The following TTC29 variants were observed in gnomAD, a reference collection of about 807,000 sequenced individuals.
The protein encoded by TTC29 is tetratricopeptide repeat protein 29.
TTC29 carries 49 observed loss-of-function variants against 58.1 expected under a neutral mutation model. The observed-to-expected ratio is 0.84, with a 90% confidence interval of 0.67 to 1.07. The LOEUF is 1.07. Ranked by LOEUF, TTC29 falls within the 50% of genes least tolerant of loss-of-function variation. TTC29 has a pLI of 0.00. For synonymous variants in TTC29, 209 were observed against 196.8 expected, an observed-to-expected ratio of 1.06 and a Z score of -0.52; for missense variants, 582 against 555.6, an observed-to-expected ratio of 1.05 and a Z score of -0.48.
At chr4:146,777,226 G>T (rs1462643714) in intron 11 of TTC29, among the ~76,000 whole-genome samples, 2 of 152,140 alleles carry the variant, frequency 1.3e-5, no homozygotes, top group Non-Finnish European at 2.9e-5. Flanking sequence ...AACCGCAATT[G>T]CTTTTGCACC....
At chr4:146,825,263 A>C (rs1218409346) in intron 9 of TTC29, among the ~76,000 whole-genome samples, 1 of 152,178 alleles carries the variant, frequency 6.6e-6, no homozygotes, top group East Asian at 1.9e-4. Context: ...CCCTTTTAAC[A>C]CTGCTTTAGC....
At chr4:146,728,860 C>CATATATATGTGTATATATACAT (rs1744103246) in intron 11 of TTC29, among the ~76,000 whole-genome samples, 4 of 62,052 alleles carry the variant, frequency 6.4e-5, no homozygotes, top group African/African-American at 1.3e-4. Context: ...TATATATACA[C>CATATATATGTGTATATATACAT]ATATATATGT....
At chr4:146,843,586 G>A (rs1302642329) in intron 8 of TTC29, among the ~76,000 whole-genome samples, 1 of 152,074 alleles carries the variant, frequency 6.6e-6, no homozygotes, top group African/African-American at 2.4e-5. Flanking sequence ...AGCTCATTGT[G>A]TGACTATGGG....
intron 11 of TTC29, among the ~76,000 whole-genome samples, chr4:146,780,932 A>C (rs1249527781): frequency 6.6e-6 from 1 of 152,062 alleles, no homozygotes; most frequent in East Asian, 1.9e-4. Context: ...AAATATAAAA[A>C]TATCCTGACA....
chr4:146,838,408 AAT>A (rs1728646468), intron 8 of TTC29, among the ~76,000 whole-genome samples: 1 of 151,976 alleles, frequency 6.6e-6, no homozygotes, highest in African/African-American at 2.4e-5. Context: ...TCAAAAAAAA[AAT>A]AGAATATCTA....
chr4:146,779,640 T>C (rs1189343158), intron 11 of TTC29, among the ~76,000 whole-genome samples: 1 of 152,186 alleles, frequency 6.6e-6, no homozygotes, highest in African/African-American at 2.4e-5. Flanking sequence ...GTCTGAGGTT[T>C]TAGAGCAGGT....
intron 8 of TTC29, among the ~76,000 whole-genome samples, chr4:146,843,469 T>C (rs1040675612): frequency 6.6e-6 from 1 of 152,152 alleles, no homozygotes; most frequent in Admixed American, 6.6e-5. Context: ...GTATCTCCCA[T>C]ACATTGACTG....
intron 7 of TTC29, among the ~76,000 whole-genome samples, chr4:146,870,381 T>C (rs1730853922): frequency 6.6e-6 from 1 of 151,990 alleles, no homozygotes; most frequent in Non-Finnish European, 1.5e-5. Context: ...CATTTATAGC[T>C]ATAAATGTCT....
intron 11 of TTC29, among the ~76,000 whole-genome samples, chr4:146,792,858 TG>T (rs1749568725): frequency 6.6e-6 from 1 of 152,132 alleles, no homozygotes; most frequent in Non-Finnish European, 1.5e-5. Flanking sequence ...TCAATAGTTA[TG>T]GGAATTTGGA....
chr4:146,868,175 G>A (rs1730687363), intron 7 of TTC29, among the ~76,000 whole-genome samples: 1 of 152,136 alleles, frequency 6.6e-6, no homozygotes, highest in African/African-American at 2.4e-5. Flanking sequence ...TGAACAATGA[G>A]AACACATGGA....
At chr4:146,803,789 T>TA (rs1750409582) in intron 10 of TTC29, 104 bp from the exon 11 acceptor site, 16 of 822,364 alleles carry the variant, frequency 1.9e-5, no homozygotes, top group Middle Eastern at 7.4e-4. Flanking sequence ...TTTCGACAGT[T>TA]ACAGCAGTTC....
intron 4 of TTC29, among the ~76,000 whole-genome samples, chr4:146,924,165 C>T (rs1242253992): frequency 6.6e-6 from 1 of 151,836 alleles, no homozygotes; most frequent in Admixed American, 6.6e-5. Context: ...ACACTTAAAT[C>T]TCAGTTTCCT....
chr4:146,772,404 T>C (rs1747804463), intron 11 of TTC29, among the ~76,000 whole-genome samples: 1 of 152,090 alleles, frequency 6.6e-6, no homozygotes, highest in Non-Finnish European at 1.5e-5. Context: ...AGTTGATTTT[T>C]TGTATATGAT....
chr4:146,879,249 A>G (rs1345973669), intron 6 of TTC29, among the ~76,000 whole-genome samples: 1 of 152,224 alleles, frequency 6.6e-6, no homozygotes, highest in East Asian at 1.9e-4. Context: ...ATTTAAAAAT[A>G]TTAAAAGATA....
At chr4:146,799,866 T>G (rs920979868) in intron 11 of TTC29, among the ~76,000 whole-genome samples, 15 of 152,198 alleles carry the variant, frequency 9.9e-5, no homozygotes, top group African/African-American at 3.4e-4. Context: ...GTTCCACATG[T>G]GGGTCTGAGA....
intron 8 of TTC29, among the ~76,000 whole-genome samples, chr4:146,856,887 A>G (rs1729894749): frequency 6.6e-6 from 1 of 151,814 alleles, no homozygotes; most frequent in Admixed American, 6.6e-5. Context: ...TTCAGGAAGG[A>G]CACAACTTTA....
intron 11 of TTC29, among the ~76,000 whole-genome samples, chr4:146,796,176 C>T (rs1219609643): frequency 6.6e-6 from 1 of 152,060 alleles, no homozygotes; most frequent in Non-Finnish European, 1.5e-5. Context: ...CACCAGCTAC[C>T]AAGAACTGTG....
intron 4 of TTC29, among the ~76,000 whole-genome samples, chr4:146,928,734 T>G (rs1188780612): frequency 6.6e-6 from 1 of 152,158 alleles, no homozygotes; most frequent in Non-Finnish European, 1.5e-5. Context: ...ATTAGACCAC[T>G]TCTCATCATT....
At chr4:146,824,166 C>T (rs1014804792) in intron 9 of TTC29, among the ~76,000 whole-genome samples, 3 of 152,152 alleles carry the variant, frequency 2.0e-5, no homozygotes, top group Non-Finnish European at 2.9e-5. Context: ...AAGAAGGTAT[C>T]CTTGTCTTGT....
Sources: allele counts gnomAD v4.1 joint callset (sites outside exome capture counted in the v4.1 genomes callset), GRCh38; gene constraint gnomAD v4.1.1; transcripts MANE v1.5; gene names NCBI Gene and HGNC (gene_info 2026-07-23, HGNC 2026-07-21).